Variants in GMDS observed in about 807,000 individuals in gnomAD.
GMDS encodes GDP-mannose 4,6 dehydratase.
GMDS carries 20 observed loss-of-function variants against 49.9 expected under a neutral mutation model. The ratio of observed to expected loss-of-function variants is 0.40; its 90% CI spans 0.28 to 0.58. GMDS has a LOEUF of 0.58. Ranked by LOEUF, GMDS falls within the 20% of genes least tolerant of loss-of-function variation. GMDS has a pLI of 0.42. For missense variants in GMDS, 362 were observed against 481.4 expected, an observed-to-expected ratio of 0.75 and a Z score of 2.32; for synonymous variants, 177 against 178.6, an observed-to-expected ratio of 0.99 and a Z score of 0.07.
chr6:2,068,703 T>C (rs894695677), intron 4 of GMDS, among the ~76,000 whole-genome samples: 1 of 152,060 alleles, frequency 6.6e-6, no homozygotes, highest in South Asian at 2.1e-4. Flanking sequence ...GGAATCCAAC[T>C]TACAAGGGAT....
chr6:2,106,956 A>T (rs1774278530), intron 4 of GMDS, among the ~76,000 whole-genome samples: 1 of 152,196 alleles, frequency 6.6e-6, no homozygotes, highest in Non-Finnish European at 1.5e-5. Flanking sequence ...CTAGAAATTA[A>T]TATTGTGGTA....
intron 4 of GMDS, among the ~76,000 whole-genome samples, chr6:2,081,131 G>A (rs1772667520): frequency 6.6e-6 from 1 of 152,036 alleles, no homozygotes; most frequent in Non-Finnish European, 1.5e-5. Context: ...CAGATTCTTA[G>A]TGAGAAACCC....
rs539938924 is a variant in GMDS, at chr6:2,148,533, G to C, written c.103-23802C>G. Among the ~76,000 whole-genome samples the C allele has an allele frequency of 1.4e-4, 21 of 152,232 alleles. No homozygotes were observed. In the East Asian group the frequency reaches 3.9e-3, roughly 28 times the overall value. On this transcript the variant is annotated intron_variant, in intron 1 of 10. Transcript: ENST00000380815. ...CGTCCTGGGTTCAAGCTATTCTCCT[G>C]CCTCAGCCTCTCAAGTAGCTGGGAT...
At chr6:2,219,996 G>A (rs1780511710) in intron 1 of GMDS, among the ~76,000 whole-genome samples, 1 of 152,184 alleles carries the variant, frequency 6.6e-6, no homozygotes, top group East Asian at 1.9e-4. Flanking sequence ...TGTCAACACT[G>A]CAGAAAAAGT....
At chr6:1,962,914 T>TCACCCAGGCTGGAAAAGA (rs1764046903) in intron 4 of GMDS, among the ~76,000 whole-genome samples, 1 of 151,144 alleles carries the variant, frequency 6.6e-6, no homozygotes, top group Non-Finnish European at 1.5e-5. Context: ...TCTTGCTCTG[T>TCACCCAGGCTGGAAAAGA]CACCCAGGCT....
chr6:2,183,859 T>G (rs1440176650), intron 1 of GMDS, among the ~76,000 whole-genome samples: 1 of 152,170 alleles, frequency 6.6e-6, no homozygotes, highest in Non-Finnish European at 1.5e-5. Context: ...TCACTGAAGG[T>G]TCAGATGATC....
intron 4 of GMDS, among the ~76,000 whole-genome samples, chr6:2,021,145 G>C (rs1306540673): frequency 6.6e-6 from 1 of 152,194 alleles, no homozygotes; most frequent in East Asian, 1.9e-4. Flanking sequence ...CAAATTGGCA[G>C]GTTTCTGCCT....
rs1252088152 is a variant in GMDS, at chr6:1,624,007, T to A, written c.*162A>T. 6 of 611,682 alleles carry A rather than the reference T, an allele frequency of 9.8e-6. No homozygotes were observed. The highest frequency in any genetic ancestry group is 9.4e-5 in the African/African-American group (5 of 53,086). 37.9% of individuals were successfully genotyped at this position (611,682 alleles called of 1,614,324 possible). On this transcript the variant is annotated 3_prime_UTR_variant, in exon 11 of 11. Coordinates refer to ENST00000380815, the MANE Select transcript of GMDS (RefSeq NM_001500.4). ...GGTCACATCCCGGCTGCTACAAACCTCGGCGGGGCGGCCCCGCTCTTGCGG... is the reference window on the plus strand; with the variant it reads ...GGTCACATCCCGGCTGCTACAAACCACGGCGGGGCGGCCCCGCTCTTGCGG...
Position 1,652,408 on chromosome 6 carries a change from A to T in GMDS, c.988-27868T>A, listed in dbSNP as rs1364644932. On this transcript the variant is annotated intron_variant, in intron 9 of 10. Coordinates refer to ENST00000380815, the MANE Select transcript of GMDS (RefSeq NM_001500.4). ...ATATATATATTATATATATATATATATTATATATAATATATATATAATATA... is the reference window on the plus strand; with the variant it reads ...ATATATATATTATATATATATATATTTTATATATAATATATATATAATATA... Among the ~76,000 whole-genome samples, 3 of 2,416 alleles carry T rather than the reference A, an allele frequency of 1.2e-3. 1 individual carries two copies. The highest frequency in any genetic ancestry group is 3.6e-3 in the Non-Finnish European group (3 of 828). The allele number at this position is 2,416 out of a possible 152,430, so 1.6% of individuals were successfully genotyped here.
At chr6:2,244,120 T>C (rs928280790) in intron 1 of GMDS, among the ~76,000 whole-genome samples, 1 of 152,012 alleles carries the variant, frequency 6.6e-6, no homozygotes, top group Non-Finnish European at 1.5e-5. Context: ...TCCTTCCACC[T>C]CTGCACACCG....
intron 7 of GMDS, among the ~76,000 whole-genome samples, chr6:1,895,347 G>A (rs921229185): frequency 6.6e-6 from 1 of 152,198 alleles, no homozygotes; most frequent in Non-Finnish European, 1.5e-5. Flanking sequence ...TGGTCAAAAT[G>A]AACTATAGTA....
intron 7 of GMDS, among the ~76,000 whole-genome samples, chr6:1,814,320 T>C (rs1479850057): frequency 6.6e-6 from 1 of 152,234 alleles, no homozygotes; most frequent in Non-Finnish European, 1.5e-5. Flanking sequence ...GAACAGCTTT[T>C]TGTTTTCTTT....
chr6:1,828,164 T>A (rs942175639), intron 7 of GMDS, among the ~76,000 whole-genome samples: 2 of 151,784 alleles, frequency 1.3e-5, no homozygotes, highest in African/African-American at 4.8e-5. Flanking sequence ...GAAAATACAA[T>A]AGAGGGGGCT....
chr6:1,875,317 TACACACACACAC>T (rs56053544), intron 7 of GMDS, among the ~76,000 whole-genome samples: 1 of 150,010 alleles, frequency 6.7e-6, no homozygotes, highest in Non-Finnish European at 1.5e-5. Flanking sequence ...TTTTTGTATT[TACACACACACAC>T]ACACACACAC....
intron 9 of GMDS, among the ~76,000 whole-genome samples, chr6:1,654,767 A>G (rs1763817748): frequency 6.6e-6 from 1 of 152,174 alleles, no homozygotes; most frequent in Non-Finnish European, 1.5e-5. Context: ...CATTATTTAA[A>G]AAATATCCCA....
rs556930347 is a variant in GMDS at position 2,059,867 on chromosome 6, TAATA to T, written c.345+55900_345+55903del. Among the ~76,000 whole-genome samples the T allele has an allele frequency of 4.3e-4, 66 of 151,986 alleles. 1 individual carries two copies. The South Asian group carries it at 9.6e-3, about 22-fold the overall frequency. On this transcript the variant is annotated intron_variant, in intron 4 of 10. Coordinates refer to ENST00000380815, the MANE Select transcript of GMDS (RefSeq NM_001500.4). ...CACTGGCCCCCAAAAATTTGCATAGTAATAAATATAGTCTTCTAAATGAAAGTAG... is the reference window on the plus strand; with the variant it reads ...CACTGGCCCCCAAAAATTTGCATAGTAATATAGTCTTCTAAATGAAAGTAG...
At chr6:1,742,950 T>C (rs1232863381) in intron 7 of GMDS, among the ~76,000 whole-genome samples, 3 of 152,196 alleles carry the variant, frequency 2.0e-5, no homozygotes, top group African/African-American at 7.2e-5. Flanking sequence ...TTTATGGTAT[T>C]ATTTACAAAA....
chr6:1,653,258 T>A (rs1318826021), intron 9 of GMDS, among the ~76,000 whole-genome samples: 2 of 152,212 alleles, frequency 1.3e-5, no homozygotes, highest in Non-Finnish European at 2.9e-5. Flanking sequence ...CACTTACAAG[T>A]ACTTCACTTA....
At chr6:1,917,473 T>C (rs929811982) in intron 7 of GMDS, among the ~76,000 whole-genome samples, 2 of 152,242 alleles carry the variant, frequency 1.3e-5, no homozygotes, top group Admixed American at 6.5e-5. Flanking sequence ...AATACAAAGA[T>C]GTAAATGACA....
Sources: gnomAD v4.1 joint callset for allele counts (sites outside exome capture counted in the v4.1 genomes callset) on GRCh38, gnomAD v4.1.1 for gene constraint, MANE v1.5 for transcripts, NCBI Gene and HGNC (gene_info 2026-07-23, HGNC 2026-07-21) for gene names.